The following PLD4 variants were observed in gnomAD, a reference collection of about 807,000 sequenced individuals.
The protein encoded by PLD4 is 5'-3' exonuclease PLD4.
In PLD4, 54 loss-of-function variants were observed where a neutral mutation model predicts 52.3. That is an observed-to-expected ratio of 1.03 (90% CI 0.83 to 1.30). PLD4 has a LOEUF of 1.30. Ranked by LOEUF, PLD4 falls within the 50% of genes most tolerant of loss-of-function variation. PLD4 has a pLI of 0.00. For missense variants in PLD4, 731 were observed against 671.1 expected, an observed-to-expected ratio of 1.09 and a Z score of -0.99; for synonymous variants, 264 against 286.5, an observed-to-expected ratio of 0.92 and a Z score of 0.79.
At chr14:104,929,011 G>A (rs781075101) in intron 4 of PLD4, 79 bp downstream of exon 4, 139 of 1,491,366 alleles carry the variant, frequency 9.3e-5, no homozygotes, top group Non-Finnish European at 1.1e-4. Flanking sequence ...CAGGCGTCTC[G>A]GGCACCAGGC....
intron 1 of PLD4, among the ~76,000 whole-genome samples, chr14:104,925,918 A>G (rs1038911508): frequency 6.6e-6 from 1 of 151,920 alleles, no homozygotes; most frequent in Non-Finnish European, 1.5e-5. Flanking sequence ...CCTACCCCCA[A>G]TCCCCCATAA....
chr14:104,930,276 C>T (rs902784064), intron 6 of PLD4, among the ~76,000 whole-genome samples, 171 bp downstream of exon 6: 1 of 152,230 alleles, frequency 6.6e-6, no homozygotes, highest in Non-Finnish European at 1.5e-5. Context: ...TAGAATTCTA[C>T]ACAGCCACTG....
intron 2 of PLD4, 74 bp downstream of exon 2, chr14:104,927,304 A>C (rs1897489603): frequency 7.6e-7 from 1 of 1,309,882 alleles, no homozygotes; most frequent in African/African-American, 1.5e-5. Flanking sequence ...CAGAGTGGAG[A>C]GGTCACAAGC....
intron 4 of PLD4, 52 bp from the exon 5 acceptor site, chr14:104,929,255 C>A: frequency 1.3e-6 from 2 of 1,570,856 alleles, no homozygotes; most frequent in Non-Finnish European, 8.6e-7. Flanking sequence ...AGTGGGGATG[C>A]GGAGGAGAGG....
At position 104,928,819 on chromosome 14, in the gene PLD4, G is replaced by T; in HGVS notation, c.355G>T (p.Gly119Cys). The T allele has an allele frequency of 6.2e-7, 1 of 1,611,800 alleles. No homozygotes were observed. The change falls in exon 4 of 11, where the codon GGC (glycine) becomes TGC (cysteine). Residue 119 changes from glycine to cysteine, a missense_variant. Coordinates refer to ENST00000392593, the MANE Select transcript of PLD4 (RefSeq NM_138790.5). ...CGGCAGCCCCTCTGCCCAGCCTCTG[G>T]GCCAGGCCTGGCTGCAGCTGCTGGA... ...AAGSPSAQPL[G>C]QAWLQLLDTA...
At chr14:104,926,828 G>C (rs1219010977) in intron 1 of PLD4, among the ~76,000 whole-genome samples, 3 of 152,374 alleles carry the variant, frequency 2.0e-5, no homozygotes, top group African/African-American at 7.2e-5. Flanking sequence ...GCTAGGCACA[G>C]ACGCCCGCCC....
At position 104,931,739 on chromosome 14, in the gene PLD4, C is replaced by G. The variant is rs748266927; in HGVS notation, c.919-9C>G. On this transcript the variant is annotated splice_polypyrimidine_tract_variant and intron_variant, in intron 7 of 10. Coordinates refer to ENST00000392593, the MANE Select transcript of PLD4 (RefSeq NM_138790.5). ...GGCAGAGCCTTCAGGGATTTCTCTCCCGTCACAGGCGTCGCCACCAGCACT... is the reference window on the plus strand; with the variant it reads ...GGCAGAGCCTTCAGGGATTTCTCTCGCGTCACAGGCGTCGCCACCAGCACT... 1 of 1,581,380 alleles carries G rather than the reference C, an allele frequency of 6.3e-7. No homozygotes were observed. The highest frequency in any genetic ancestry group is 8.6e-7 in the Non-Finnish European group (1 of 1,165,236).
intron 7 of PLD4, 143 bp from the exon 8 acceptor site, chr14:104,931,605 G>C (rs563504761): frequency 4.2e-6 from 5 of 1,184,236 alleles, no homozygotes; most frequent in Non-Finnish European, 5.7e-6. Context: ...CTGTTGAGCC[G>C]ACCCCTTCTT....
At chr14:104,929,667 C>T (rs570641410) in intron 5 of PLD4, among the ~76,000 whole-genome samples, 2 of 152,284 alleles carry the variant, frequency 1.3e-5, no homozygotes, top group East Asian at 3.9e-4. Context: ...CAGGTGGCCT[C>T]GGAGCCCTGC....
At chr14:104,931,944 G>A (rs1428519393) in intron 8 of PLD4, 57 bp downstream of exon 8, 3 of 1,523,134 alleles carry the variant, frequency 2.0e-6, no homozygotes, top group Non-Finnish European at 2.6e-6. Flanking sequence ...TCCTGGGCAC[G>A]TCCCCTCCTG....
chr14:104,931,001 C>A, intron 7 of PLD4, 59 bp downstream of exon 7: 2 of 1,573,140 alleles, frequency 1.3e-6, no homozygotes, highest in Non-Finnish European at 1.7e-6. Flanking sequence ...GCTGGCCAGA[C>A]CCACAGGGAG....
chr14:104,927,888 T>A, intron 3 of PLD4, 22 bp downstream of exon 3: 1 of 1,533,772 alleles, frequency 6.5e-7, no homozygotes, highest in African/African-American at 1.4e-5. Context: ...CATGGAGGCC[T>A]GCGGGGGCAG....
Position 104,930,817 on chromosome 14 carries a change from T to C in PLD4, c.793T>C (p.Trp265Arg), listed in dbSNP as rs1329636845. 6.2e-7 allele frequency: 1 copy of C among 1,613,550 alleles called. No individual in the cohort carries two copies. The highest frequency in any genetic ancestry group is 1.1e-5 in the South Asian group (1 of 91,090). ...QDLEKTFQTYWVLGVPKAVLP... is the reference protein window; with the variant it reads ...QDLEKTFQTYRVLGVPKAVLP... The stretch of plus-strand genomic sequence containing the variant: ...CCTGGAGAAGACCTTCCAGACCTAC[T>C]GGGTACTGGGGGTGCCCAAGGCTGT... Residue 265 changes from tryptophan (W) to arginine (R), a missense_variant, in exon 7 of 11, where the codon TGG (tryptophan) becomes CGG (arginine). Trp to Arg is a moderately radical substitution (Grantham distance 101, BLOSUM62 -3). Transcript: ENST00000392593.
intron 1 of PLD4, 174 bp from the exon 2 acceptor site, chr14:104,926,967 C>T (rs1897475637): frequency 1.0e-5 from 5 of 490,522 alleles, no homozygotes; most frequent in South Asian, 5.6e-5. Flanking sequence ...GGCTTGTCCT[C>T]GTGGAAAGCA....
At chr14:104,930,702 G>A in intron 6 of PLD4, 40 bp from the exon 7 acceptor site, 2 of 1,607,118 alleles carry the variant, frequency 1.2e-6, no homozygotes, top group African/African-American at 1.3e-5. Flanking sequence ...GCCCCACAGA[G>A]GGGTTTTTCT....
intron 5 of PLD4, 46 bp from the exon 6 acceptor site, chr14:104,929,932 C>A (rs75364586): frequency 3.7e-6 from 6 of 1,606,792 alleles, no homozygotes; most frequent in Admixed American, 1.7e-5. Context: ...ATGAAGCTAG[C>A]ACTTAGCAAG....
Position 104,927,842 on chromosome 14 carries a change from CCA to C in PLD4, c.261_262del (p.Arg88AlafsTer58). 1 of 1,583,398 alleles carries C rather than the reference CCA, an allele frequency of 6.3e-7. No homozygotes were observed. Among genetic ancestry groups the C allele is most frequent in the Non-Finnish European group, 8.6e-7 (1 of 1,168,662 alleles). On this transcript the variant is annotated frameshift_variant, in exon 3 of 11. Coordinates refer to ENST00000392593, the MANE Select transcript of PLD4 (RefSeq NM_138790.5). LOFTEE classifies it high-confidence loss of function. ...GCTTGGGAGCCCCTGGAAGCAGAGG[CCA>C]GGCAGCAGAGGGACTCCTGCCAGTA...
At chr14:104,933,629 T>C, downstream of PLD4, 1 of 78,590 alleles carries the variant, frequency 1.3e-5, no homozygotes, top group African/African-American at 5.2e-5. Context: ...GGAGCGGGGC[T>C]GAGGGGACCG....
In PLD4 at chr14:104,928,890, C is replaced by G; in HGVS notation, c.426C>G (p.Leu142=). Residue 142 remains leucine, a synonymous_variant, in exon 4 of 11, where the codon CTC becomes CTG. Coordinates refer to ENST00000392593, the MANE Select transcript of PLD4 (RefSeq NM_138790.5). The stretch of plus-strand genomic sequence containing the variant: ...ACGTGGCTTCATACTACTGGTCCCT[C>G]ACAGGGCCTGACATCGGGGTCAACG... ...SVHVASYYWS[L]TGPDIGVNDS... is the part of the protein sequence containing the mutation. 3.1e-6 allele frequency: 5 copies of G among 1,609,950 alleles called. No individual in the cohort carries two copies. Among genetic ancestry groups the G allele is most frequent in the Non-Finnish European group, 4.2e-6 (5 of 1,177,450 alleles).
Sources: gnomAD v4.1 joint callset for allele counts (sites outside exome capture counted in the v4.1 genomes callset) on GRCh38, gnomAD v4.1.1 for gene constraint, MANE v1.5 for transcripts, NCBI Gene and HGNC (gene_info 2026-07-23, HGNC 2026-07-21) for gene names.